The following LMBR1 variants were observed in gnomAD, a reference collection of about 807,000 sequenced individuals.
The protein encoded by LMBR1 is limb development membrane protein 1, also known as limb region 1 protein homolog.
LMBR1 carries 52 observed loss-of-function variants against 73.9 expected under a neutral mutation model. The observed-to-expected ratio is 0.70, with a 90% CI of 0.56 to 0.89. The LOEUF is 0.89. LMBR1 is among the 40% of genes least tolerant of loss of function. The pLI, the probability that LMBR1 is intolerant of heterozygous loss-of-function variation, is 0.00. For synonymous variants in LMBR1, 215 were observed against 209.4 expected (o/e 1.03, Z -0.23); for missense variants, 539 against 579.8 (o/e 0.93, Z 0.72).
At chr7:156,730,020 T>C (rs1816549475) in intron 10 of LMBR1, among the ~76,000 whole-genome samples, 1 of 152,220 alleles carries the variant, frequency 6.6e-6, no homozygotes, top group South Asian at 2.1e-4. Flanking sequence ...CTGCAAGACA[T>C]TTCCCAATAT....
At chr7:156,762,951 G>A (rs1292537070) in intron 7 of LMBR1, among the ~76,000 whole-genome samples, 157 bp downstream of exon 7, 1 of 151,758 alleles carries the variant, frequency 6.6e-6, no homozygotes, top group Non-Finnish European at 1.5e-5. Flanking sequence ...TTATTTCAAA[G>A]TTTCCATTTA....
At chr7:156,714,157 A>C (rs1270100252) in intron 15 of LMBR1, among the ~76,000 whole-genome samples, 1 of 152,216 alleles carries the variant, frequency 6.6e-6, no homozygotes, top group Non-Finnish European at 1.5e-5. Context: ...TATGTGTGCT[A>C]AATGTTGTGT....
downstream of LMBR1, chr7:156,675,679 C>A (rs575702477): frequency 2.5e-6 from 4 of 1,596,650 alleles, no homozygotes; most frequent in African/African-American, 2.7e-5. Context: ...GCTTACCCGC[C>A]CCCGCCTCCT....
chr7:156,806,598 C>CTTTTTTTTTTTTTT (rs71189962), intron 4 of LMBR1, among the ~76,000 whole-genome samples: 1 of 44,672 alleles, frequency 2.2e-5, no homozygotes, highest in African/African-American at 1.0e-4. Context: ...TTTGTAGATG[C>CTTTTTTTTTTTTTT]TTTTTTTTTT....
intron 4 of LMBR1, 150 bp downstream of exon 4, chr7:156,826,455 A>T (rs564256986): frequency 1.3e-3 from 634 of 477,664 alleles, no homozygotes; most frequent in Non-Finnish European, 2.0e-3. Flanking sequence ...GATAAGTAAA[A>T]TCTGGTTTTC....
rs1230058556 is a variant in LMBR1 at position 156,683,829 on chromosome 7, A to C, written c.*249T>G. ...AACATGAGCAAATGTCTACAGAAGA[A>C]TGCGCTGTTCTATATGTCTGTAAGG... On this transcript the variant is annotated 3_prime_UTR_variant, in exon 17 of 17. Transcript: ENST00000353442. 2.8e-5 allele frequency: 11 copies of C among 386,716 alleles called. No homozygotes were observed. The highest frequency in any genetic ancestry group is 5.0e-5 in the Non-Finnish European group (11 of 218,550). The allele number at this position is 386,716 out of a possible 1,614,324, so 24.0% of individuals were successfully genotyped here.
chr7:156,802,724 C>G (rs929352677), intron 4 of LMBR1, among the ~76,000 whole-genome samples: 9 of 152,068 alleles, frequency 5.9e-5, no homozygotes, highest in African/African-American at 2.2e-4. Context: ...ATAAACACAT[C>G]CATCACCCCC....
At chr7:156,833,596 T>C (rs1415807641) in intron 3 of LMBR1, 157 bp downstream of exon 3, 4 of 430,712 alleles carry the variant, frequency 9.3e-6, no homozygotes, top group Non-Finnish European at 4.0e-6. Flanking sequence ...TATCCACACA[T>C]ATTTGCTTAC....
At position 156,801,182 on chromosome 7, in the gene LMBR1, T is replaced by C. The variant is rs566098909; in HGVS notation, c.320-4690A>G. Among the ~76,000 whole-genome samples, 8 of 152,298 alleles carry C rather than the reference T, an allele frequency of 5.3e-5. No individual in the cohort carries two copies. In the East Asian group the frequency reaches 1.5e-3, roughly 29 times the overall value. ...GCATCACATGCTACACAGAAATCTT[T>C]TGTGAAAGGAAGAGTCAATCAATAT... is the stretch of plus-strand genomic sequence containing the variant. On this transcript the variant is annotated intron_variant, in intron 4 of 16. Transcript: ENST00000353442.
At chr7:156,726,750 T>C (rs1352029912) in intron 12 of LMBR1, among the ~76,000 whole-genome samples, 3 of 152,090 alleles carry the variant, frequency 2.0e-5, no homozygotes, top group Non-Finnish European at 4.4e-5. Context: ...TGAGAAAACC[T>C]AGGAAGGTCA....
intron 15 of LMBR1, among the ~76,000 whole-genome samples, chr7:156,709,587 G>C (rs1331828072): frequency 6.6e-6 from 1 of 152,162 alleles, no homozygotes; most frequent in Middle Eastern, 3.2e-3. Context: ...CCTGCTGGGT[G>C]GTTAAGCCCA....
chr7:156,765,325 A>G (rs1177460318), intron 5 of LMBR1, among the ~76,000 whole-genome samples: 3 of 152,118 alleles, frequency 2.0e-5, no homozygotes, highest in African/African-American at 7.2e-5. Flanking sequence ...GTGAGTTCTC[A>G]TGAGATCTGA....
chr7:156,699,985 C>A (rs556653965), intron 15 of LMBR1, among the ~76,000 whole-genome samples: 1 of 152,148 alleles, frequency 6.6e-6, no homozygotes, highest in Non-Finnish European at 1.5e-5. Context: ...GTCAGTGTGG[C>A]GATTCCTCAG....
chr7:156,767,650 A>G (rs1222763088), intron 5 of LMBR1, among the ~76,000 whole-genome samples: 17 of 151,940 alleles, frequency 1.1e-4, no homozygotes, highest in Non-Finnish European at 1.2e-4. Context: ...ATCAAAAGTA[A>G]TATTACTAAG....
At position 156,840,141 on chromosome 7, in the gene LMBR1, A is replaced by G. The variant is rs560768038; in HGVS notation, c.67-3256T>C. Among the ~76,000 whole-genome samples, 11 of 152,304 alleles carry G rather than the reference A, an allele frequency of 7.2e-5. No homozygotes were observed. The East Asian group carries it at 2.1e-3, about 29-fold the overall frequency. ...CATTTTATTCATTCAAATAAAAACA[A>G]TTTTTACTGTGGGCTTGCTATATAC... On this transcript the variant is annotated intron_variant, in intron 1 of 16. Coordinates refer to ENST00000353442, the MANE Select transcript of LMBR1 (RefSeq NM_022458.4).
chr7:156,675,463 A>AGTG (rs1174068868), downstream of LMBR1, among the ~76,000 whole-genome samples: 1 of 152,118 alleles, frequency 6.6e-6, no homozygotes, highest in Non-Finnish European at 1.5e-5. Flanking sequence ...AAGGTGCCGT[A>AGTG]TTTTGGGGTA....
intron 15 of LMBR1, among the ~76,000 whole-genome samples, chr7:156,698,543 C>T (rs572641932): frequency 5.0e-4 from 76 of 152,288 alleles, no homozygotes; most frequent in Non-Finnish European, 8.2e-4. Flanking sequence ...TCTTGACTTC[C>T]GTGCACCACA....
chr7:156,792,581 C>T (rs1829401732), intron 5 of LMBR1, among the ~76,000 whole-genome samples: 1 of 152,120 alleles, frequency 6.6e-6, no homozygotes, highest in African/African-American at 2.4e-5. Context: ...AAAATAGAAA[C>T]ACACACCGCT....
chr7:156,704,736 C>T (rs974164572), intron 15 of LMBR1, among the ~76,000 whole-genome samples: 18 of 144,750 alleles, frequency 1.2e-4, no homozygotes, highest in African/African-American at 4.6e-4. Context: ...AAGAAGTTTA[C>T]TAAGGAAATA....
Sources: allele counts gnomAD v4.1 joint callset (sites outside exome capture counted in the v4.1 genomes callset), GRCh38; gene constraint gnomAD v4.1.1; transcripts MANE v1.5; gene names NCBI Gene and HGNC (gene_info 2026-07-23, HGNC 2026-07-21).